Variants in CRTC3 observed in about 807,000 individuals in gnomAD.
The protein encoded by CRTC3 is CREB regulated transcription coactivator 3.
Under a neutral mutation model 74.5 loss-of-function variants are expected in CRTC3, and 26 were observed. That is an observed-to-expected ratio of 0.35 (90% confidence interval 0.26 to 0.48). The LOEUF (loss-of-function observed/expected upper bound fraction) is 0.48, where lower values mean the gene tolerates loss of function less well. Among genes scored for constraint, CRTC3 ranks in the 20% least tolerant of loss-of-function variants. The probability of loss-of-function intolerance (pLI) is 0.99; values close to 1 mark genes in which losing one functional copy is unlikely to be tolerated. For missense variants in CRTC3, 760 were observed against 787.3 expected (o/e 0.97, Z 0.41); for synonymous variants, 377 against 325.8 (o/e 1.16, Z -1.69).
intron 2 of CRTC3, among the ~76,000 whole-genome samples, chr15:90,545,613 T>G (rs545900010): frequency 1.5e-4 from 22 of 144,870 alleles, no homozygotes; most frequent in South Asian, 1.3e-3. Flanking sequence ...GTCTCACTCT[T>G]TCGCCCAGGC....
At chr15:90,565,619 A>G (rs1329069150) in intron 2 of CRTC3, among the ~76,000 whole-genome samples, 1 of 152,240 alleles carries the variant, frequency 6.6e-6, no homozygotes, top group African/African-American at 2.4e-5. Context: ...TTTCAATGGC[A>G]TGTGGCTCAC....
chr15:90,635,124 C>G lies in CRTC3; in HGVS notation c.1267-3322C>G. The stretch of plus-strand genomic sequence containing the variant: ...CATCATGTAAATAATTTCCATATTT[C>G]TTATAATAAACTAATGATAACTAAT... On this transcript the variant is annotated intron_variant, in intron 11 of 14. Transcript: ENST00000268184. 5 of 633,908 alleles carry G rather than the reference C, an allele frequency of 7.9e-6. 1 individual carries two copies. The Middle Eastern group carries it at 1.3e-3, about 161-fold the overall frequency. 39.3% of individuals were successfully genotyped at this position (633,908 alleles called of 1,614,324 possible).
intron 3 of CRTC3, chr15:90,599,258 T>C (rs1968008982): frequency 6.6e-6 from 1 of 152,208 alleles, no homozygotes; most frequent in Admixed American, 6.5e-5. Flanking sequence ...AAGGCTTCAC[T>C]AAGCTTAACT....
At chr15:90,632,798 T>C (rs542643567) in intron 11 of CRTC3, among the ~76,000 whole-genome samples, 1 of 152,226 alleles carries the variant, frequency 6.6e-6, no homozygotes, top group East Asian at 1.9e-4. Context: ...AGATACAGGG[T>C]TTTACCATGT....
intron 3 of CRTC3, chr15:90,594,055 G>C: frequency 1.3e-5 from 3 of 223,050 alleles, no homozygotes; most frequent in Non-Finnish European, 2.6e-5. Flanking sequence ...AATTGGCCAC[G>C]TTAGAGTTAA....
chr15:90,577,383 T>C (rs1192762954), intron 2 of CRTC3, among the ~76,000 whole-genome samples: 1 of 152,204 alleles, frequency 6.6e-6, no homozygotes, highest in Non-Finnish European at 1.5e-5. Context: ...TCAATTATAG[T>C]GTTGGTATAT....
intron 2 of CRTC3, among the ~76,000 whole-genome samples, chr15:90,555,050 G>A (rs1263506396): frequency 6.6e-6 from 1 of 152,142 alleles, no homozygotes; most frequent in South Asian, 2.1e-4. Flanking sequence ...TGGGATATGC[G>A]GGTGGGGGAT....
At chr15:90,549,303 TG>T (rs1966850156) in intron 2 of CRTC3, among the ~76,000 whole-genome samples, 1 of 151,744 alleles carries the variant, frequency 6.6e-6, no homozygotes, top group Non-Finnish European at 1.5e-5. Context: ...TGTGTGTGTG[TG>T]TATGTGTGTG....
intron 13 of CRTC3, among the ~76,000 whole-genome samples, chr15:90,640,647 A>G (rs111432514): frequency 0.023 from 3,433 of 151,654 alleles, 144 homozygotes; most frequent in African/African-American, 0.079. Context: ...GCGCCATTGC[A>G]CTCCAGCCTG....
rs1027556705 is a variant in CRTC3, at chr15:90,643,721, CAG to C, written c.*1582_*1583del. 2 of 231,294 alleles carry C rather than the reference CAG, an allele frequency of 8.6e-6. No homozygotes were observed. The highest frequency in any genetic ancestry group is 5.7e-5 in the Admixed American group (1 of 17,652). The allele number at this position is 231,294 out of a possible 1,614,324, so 14.3% of individuals were successfully genotyped here. A position where few individuals can be genotyped will look rare whatever the true frequency, so the allele number is the denominator to read the frequency against. On this transcript the variant is annotated 3_prime_UTR_variant, in exon 15 of 15. Transcript: ENST00000268184. Reference sequence around the variant, plus strand: ...TAGGTTTGAAGGGGGCAGAGCACTGCAGGGGGAGGGGGGGGTCTAGGCTGTGA... The same window carrying C: ...TAGGTTTGAAGGGGGCAGAGCACTGCGGGGAGGGGGGGGTCTAGGCTGTGA...
Position 90,585,755 on chromosome 15 carries a change from C to T in CRTC3, c.232-7881C>T, listed in dbSNP as rs375389444. Among the ~76,000 whole-genome samples, 31 of 152,304 alleles carry T rather than the reference C, an allele frequency of 2.0e-4. No individual in the cohort carries two copies. The East Asian group carries it at 5.2e-3, about 26-fold the overall frequency. On this transcript the variant is annotated intron_variant, in intron 2 of 14. Transcript: ENST00000268184. ...GCTTTCTCTGCTAAGCCAGCAACTC[C>T]AGTTCCCTTCCTTTGCCTATCCCCA...
At chr15:90,602,650 A>C (rs1044148969) in intron 4 of CRTC3, among the ~76,000 whole-genome samples, 5 of 46,732 alleles carry the variant, frequency 1.1e-4, no homozygotes, top group Non-Finnish European at 2.0e-4. Flanking sequence ...AAACAAACAA[A>C]CAAAACAACA....
chr15:90,622,235 C>G (rs768472156), intron 9 of CRTC3, among the ~76,000 whole-genome samples: 18 of 152,130 alleles, frequency 1.2e-4, no homozygotes, highest in Non-Finnish European at 2.4e-4. Context: ...TTCCTTAGAT[C>G]AGTGGTGACT....
At chr15:90,556,873 A>G (rs1966899709) in intron 2 of CRTC3, among the ~76,000 whole-genome samples, 1 of 151,306 alleles carries the variant, frequency 6.6e-6, no homozygotes, top group Non-Finnish European at 1.5e-5. Flanking sequence ...AATAGTATGT[A>G]TTGACTTGTC....
At chr15:90,548,430 T>G (rs1163018384) in intron 2 of CRTC3, among the ~76,000 whole-genome samples, 6 of 152,202 alleles carry the variant, frequency 3.9e-5, no homozygotes, top group Admixed American at 3.9e-4. Context: ...TGGGGCCCAC[T>G]ACCAATATGA....
At chr15:90,581,317 T>A (rs1039627789) in intron 2 of CRTC3, among the ~76,000 whole-genome samples, 4 of 152,230 alleles carry the variant, frequency 2.6e-5, no homozygotes, top group Non-Finnish European at 4.4e-5. Flanking sequence ...TAAGTTTTTT[T>A]AAAAATTCAA....
chr15:90,639,357 G>T (rs1969356609), intron 13 of CRTC3, among the ~76,000 whole-genome samples: 1 of 151,380 alleles, frequency 6.6e-6, no homozygotes, highest in Non-Finnish European at 1.5e-5. Flanking sequence ...TAATATTCTA[G>T]ATTTTATAGT....
chr15:90,629,537 A>G lies in CRTC3; in HGVS notation c.1266+5A>G. On this transcript the variant is annotated splice_donor_5th_base_variant and intron_variant, in intron 11 of 14. Coordinates refer to ENST00000268184, the MANE Select transcript of CRTC3 (RefSeq NM_022769.5). ...GCCCCATATCCTACCTCCCAGGTAA[A>G]CACACACAGACAGACCAACCACTAC... 4 of 1,613,302 alleles carry G rather than the reference A, an allele frequency of 2.5e-6. No homozygotes were observed. The highest frequency in any genetic ancestry group is 3.4e-6 in the Non-Finnish European group (4 of 1,179,320).
intron 5 of CRTC3, among the ~76,000 whole-genome samples, chr15:90,605,999 T>C (rs1968208678): frequency 6.6e-6 from 1 of 152,242 alleles, no homozygotes; most frequent in Admixed American, 6.5e-5. Context: ...CTCATGCCTG[T>C]CATCCCAGCA....
Sources: allele counts gnomAD v4.1 joint callset (sites outside exome capture counted in the v4.1 genomes callset), GRCh38; gene constraint gnomAD v4.1.1; transcripts MANE v1.5; gene names NCBI Gene and HGNC (gene_info 2026-07-23, HGNC 2026-07-21).